Variants in CCT6A observed in about 807,000 individuals in gnomAD.
CCT6A encodes T-complex protein 1 subunit zeta.
In CCT6A, 6 loss-of-function variants were observed where a neutral mutation model predicts 58.6. The observed-to-expected ratio is 0.10, with a 90% CI of 0.06 to 0.20. The LOEUF (loss-of-function observed/expected upper bound fraction) is 0.20, where lower values mean the gene tolerates loss of function less well. Ranked by LOEUF, CCT6A falls within the 10% of genes least tolerant of loss-of-function variation. The pLI is 1.00. For missense variants in CCT6A, 516 were observed against 648.8 expected, an observed-to-expected ratio of 0.80 and a Z score of 2.22; for synonymous variants, 245 against 227.8, an observed-to-expected ratio of 1.08 and a Z score of -0.68.
Position 56,054,486 on chromosome 7 carries a change from G to C in CCT6A, c.319G>C (p.Asp107His). Residue 107 changes from aspartate (D) to histidine (H), a missense_variant, in exon 3 of 14, where the codon GAT (aspartate) becomes CAT (histidine). Asp to His is a moderately conservative substitution (Grantham distance 81). Coordinates refer to ENST00000275603, the MANE Select transcript of CCT6A (RefSeq NM_001762.4). ...LIIGELLKQADLYISEGLHPR... is the reference protein window; with the variant it reads ...LIIGELLKQAHLYISEGLHPR... Reference sequence around the variant, plus strand: ...CATTGGAGAGCTGCTGAAACAGGCGGATCTCTACATTTCTGAAGTATGCAC... The same window carrying C: ...CATTGGAGAGCTGCTGAAACAGGCGCATCTCTACATTTCTGAAGTATGCAC... The C allele has an allele frequency of 6.2e-7, 1 of 1,612,814 alleles. No homozygotes were observed. The highest frequency in any genetic ancestry group is 8.5e-7 in the Non-Finnish European group (1 of 1,179,298).
At chr7:56,057,662 C>T (rs542594803) in intron 5 of CCT6A, among the ~76,000 whole-genome samples, 3 of 152,246 alleles carry the variant, frequency 2.0e-5, no homozygotes, top group Admixed American at 1.3e-4. Context: ...GGGCGGATCA[C>T]GAGATCAGGA....
chr7:56,057,364 G>A (rs545434809), intron 5 of CCT6A, among the ~76,000 whole-genome samples: 1 of 151,440 alleles, frequency 6.6e-6, no homozygotes, highest in East Asian at 1.9e-4. Flanking sequence ...CCTTTGGGGT[G>A]TGTGTGTGTG....
rs148293442 is a variant in CCT6A at position 56,054,485 on chromosome 7, G to A, written c.318G>A (p.Ala106=). 7.9e-5 allele frequency: 128 copies of A among 1,612,546 alleles called. No homozygotes were observed. The African/African-American group carries it at 1.5e-3, about 19-fold the overall frequency. The change falls in exon 3 of 14, where the codon GCG becomes GCA. Residue 106 remains alanine (A), a synonymous_variant. Transcript: ENST00000275603. ...VLIIGELLKQ[A]DLYISEGLHP... ...TCATTGGAGAGCTGCTGAAACAGGC[G>A]GATCTCTACATTTCTGAAGTATGCA...
At chr7:56,052,797 T>G (rs1295906816) in intron 2 of CCT6A, among the ~76,000 whole-genome samples, 3 of 21,146 alleles carry the variant, frequency 1.4e-4, no homozygotes, top group African/African-American at 3.3e-4. Flanking sequence ...TCTTTTCTTT[T>G]TTTTTTTTTT....
intron 11 of CCT6A, 128 bp from the exon 12 acceptor site, chr7:56,061,619 T>C (rs1317580326): frequency 5.5e-6 from 3 of 545,594 alleles, no homozygotes; most frequent in Non-Finnish European, 9.5e-6. Flanking sequence ...AGTCCTGGGA[T>C]TACAGGCGTG....
chr7:56,058,516 C>A lies in CCT6A; in HGVS notation c.880C>A (p.Gln294Lys), dbSNP rs372183807. 13 of 1,591,556 alleles carry A rather than the reference C, an allele frequency of 8.2e-6. No individual in the cohort carries two copies. In the South Asian group the frequency reaches 1.4e-4, roughly 17 times the overall value. ...DSDKGFVVINQKGIDPFSLDA... is the reference protein window; with the variant it reads ...DSDKGFVVINKKGIDPFSLDA... ...AGATAAAGGATTTGTTGTTATTAATCAAAAGGTGAGAATGAAAACTCAATG... is the reference window on the plus strand; with the variant it reads ...AGATAAAGGATTTGTTGTTATTAATAAAAAGGTGAGAATGAAAACTCAATG... The change falls in exon 7 of 14, where the codon CAA (glutamine) becomes AAA (lysine). Residue 294 changes from glutamine to lysine, a missense_variant. By Grantham distance (53) the Gln-to-Lys change is moderately conservative (BLOSUM62 1). This residue lies in a region of CCT6A where 315 missense variants were observed against 389.4 expected (regional missense o/e 0.81). Transcript: ENST00000275603.
At chr7:56,061,556 AGGCT>A in intron 11 of CCT6A, 187 bp from the exon 12 acceptor site, 1 of 357,148 alleles carries the variant, frequency 2.8e-6, no homozygotes, top group South Asian at 3.4e-5. Flanking sequence ...CATGTTGGCC[AGGCT>A]GGTCTCGAAC....
intron 11 of CCT6A, among the ~76,000 whole-genome samples, chr7:56,061,520 T>C (rs1391713289): frequency 6.6e-6 from 1 of 151,522 alleles, no homozygotes; most frequent in Non-Finnish European, 1.5e-5. Flanking sequence ...GGTTTTTTTT[T>C]ATTTTTAGTA....
chr7:56,053,970 A>G (rs1392322777), intron 2 of CCT6A, among the ~76,000 whole-genome samples: 1 of 152,190 alleles, frequency 6.6e-6, no homozygotes, highest in Non-Finnish European at 1.5e-5. Context: ...GTTTTCTTTG[A>G]AAAAATTACA....
intron 3 of CCT6A, among the ~76,000 whole-genome samples, chr7:56,055,093 G>T (rs1794277100): frequency 2.0e-5 from 3 of 152,172 alleles, no homozygotes; most frequent in Admixed American, 6.5e-5. Context: ...GACCAACATG[G>T]AGAAACCCCG....
chr7:56,055,336 G>A (rs148781574), intron 3 of CCT6A: 191 of 440,710 alleles, frequency 4.3e-4, no homozygotes, highest in African/African-American at 3.2e-3. Flanking sequence ...TTGGGACACA[G>A]TGTTGGTTTT....
chr7:56,058,685 A>C lies in CCT6A; in HGVS notation c.951A>C (p.Lys317Asn). 1 of 1,583,344 alleles carries C rather than the reference A, an allele frequency of 6.3e-7. No individual in the cohort carries two copies. Among genetic ancestry groups the C allele is most frequent in the African/African-American group, 1.3e-5 (1 of 74,496 alleles). The change falls in exon 8 of 14, where the codon AAA becomes AAC. Residue 317 changes from lysine to asparagine, a missense_variant. By Grantham distance (94) the Lys-to-Asn change is moderately conservative (BLOSUM62 0). Around this residue, in one of 3 missense-constraint regions of CCT6A, gnomAD observed 315 missense variants for 389.4 expected, o/e 0.81. Transcript: ENST00000275603. ...GCATAGTTGCTCTGCGCAGAGCTAA[A>C]AGGAGAAATATGGAGAGGTATCCGA... ...KEGIVALRRA[K>N]RRNMERLTLA... is the part of the protein sequence containing the mutation.
In CCT6A at chr7:56,060,929, A is replaced by G; in HGVS notation, c.1336A>G (p.Ile446Val). The G allele has an allele frequency of 6.2e-7, 1 of 1,610,254 alleles. No homozygotes were observed. The highest frequency in any genetic ancestry group is 1.1e-5 in the South Asian group (1 of 90,002). ...CCAAGCATTTGCTGATGCATTGCTCATTATTCCCAAGGTGTGCATGCTTTT... is the reference window on the plus strand; with the variant it reads ...CCAAGCATTTGCTGATGCATTGCTCGTTATTCCCAAGGTGTGCATGCTTTT... ...GVQAFADALL[I>V]IPKVLAQNSG... The change falls in exon 11 of 14, where the codon ATT becomes GTT. Residue 446 changes from isoleucine (I) to valine (V), a missense_variant. By Grantham distance (29) the Ile-to-Val change is conservative (BLOSUM62 3). Coordinates refer to ENST00000275603, the MANE Select transcript of CCT6A (RefSeq NM_001762.4).
chr7:56,055,753 C>G lies in CCT6A; in HGVS notation c.466C>G (p.Leu156Val). 1 of 1,613,792 alleles carries G rather than the reference C, an allele frequency of 6.2e-7. No individual in the cohort carries two copies. Among genetic ancestry groups the G allele is most frequent in the East Asian group, 2.2e-5 (1 of 44,862 alleles). ...ACTTATAGATGTGGCCAGAACATCT[C>G]TTCGTACTAAAGTTCATGCTGAACT... ...ETLIDVARTS[L>V]RTKVHAELAD... Residue 156 changes from leucine to valine, a missense_variant, in exon 4 of 14, where the codon CTT (leucine) becomes GTT (valine). Around this residue, in one of 3 missense-constraint regions of CCT6A, gnomAD observed 85 missense variants for 74.9 expected, o/e 1.13. Coordinates refer to ENST00000275603, the MANE Select transcript of CCT6A (RefSeq NM_001762.4).
At position 56,063,015 on chromosome 7, in the gene CCT6A, C is replaced by T. The variant is rs141718990; in HGVS notation, c.1526C>T (p.Thr509Ile). The change falls in exon 14 of 14, where the codon ACT becomes ATT. Residue 509 changes from threonine (T) to isoleucine (I), a missense_variant and splice_region_variant. This residue lies in a region of CCT6A where 315 missense variants were observed against 389.4 expected (regional missense o/e 0.81). Transcript: ENST00000275603. ...CVKKQLLHSC[T>I]VIATNILLVD... ...TCTTATTTTTGTCCCCCTTTCAGCA[C>T]TGTGATTGCCACCAACATTCTCTTG... 5 of 1,611,104 alleles carry T rather than the reference C, an allele frequency of 3.1e-6. No individual in the cohort carries two copies. In the African/African-American group the frequency reaches 5.3e-5, roughly 17 times the overall value.
At position 56,060,767 on chromosome 7, in the gene CCT6A, G is replaced by C. The variant is rs1045092895; in HGVS notation, c.1214-40G>C. 35 of 1,582,854 alleles carry C rather than the reference G, an allele frequency of 2.2e-5. No homozygotes were observed. The Admixed American group carries it at 6.6e-4, about 30-fold the overall frequency. On this transcript the variant is annotated intron_variant, in intron 10 of 13. Coordinates refer to ENST00000275603, the MANE Select transcript of CCT6A (RefSeq NM_001762.4). ...TATTTTGTTATTCATAATTAGTTCT[G>C]CAGTTTTCTTAGCATTTTTCCTTTT...
chr7:56,058,767 A>G (rs1242697675), intron 8 of CCT6A, 65 bp downstream of exon 8: 1 of 1,052,848 alleles, frequency 9.5e-7, no homozygotes, highest in Non-Finnish European at 1.4e-6. Flanking sequence ...TTTTCCTTAT[A>G]CTTTATTTTT....
intron 8 of CCT6A, 129 bp from the exon 9 acceptor site, chr7:56,059,415 G>A: frequency 1.6e-6 from 1 of 640,796 alleles, no homozygotes. Context: ...AAATGGAAAG[G>A]CTTAAAGTAC....
chr7:56,058,486 G>C lies in CCT6A; in HGVS notation c.850G>C (p.Asp284His). ...AGAACTGAAAAGGAAAGTCTGTGGC[G>C]ATTCAGATAAAGGATTTGTTGTTAT... ...IIELKRKVCG[D>H]SDKGFVVINQ... Residue 284 changes from aspartate (D) to histidine (H), a missense_variant, in exon 7 of 14, where the codon GAT becomes CAT. This residue lies in a region of CCT6A where 315 missense variants were observed against 389.4 expected (regional missense o/e 0.81). Transcript: ENST00000275603. 6.3e-7 allele frequency: 1 copy of C among 1,595,796 alleles called. No individual in the cohort carries two copies. Among genetic ancestry groups the C allele is most frequent in the Non-Finnish European group, 8.5e-7 (1 of 1,174,990 alleles).
Sources: gnomAD v4.1 joint callset for allele counts (sites outside exome capture counted in the v4.1 genomes callset) on GRCh38, gnomAD v4.1.1 for gene constraint, gnomAD v4.1.1 regional missense constraint, MANE v1.5 for transcripts, NCBI Gene and HGNC (gene_info 2026-07-23, HGNC 2026-07-21) for gene names.